RTL9: variants seen among roughly 807,000 people sequenced by gnomAD.
RTL9 encodes retrotransposon Gag-like protein 9.
In RTL9, 19 loss-of-function variants were observed where a neutral mutation model predicts 44.7. That is an observed-to-expected ratio of 0.42 (90% CI 0.30 to 0.62). The LOEUF is 0.62. Among genes scored for constraint, RTL9 ranks in the 20% least tolerant of loss-of-function variants. RTL9 has a pLI of 0.16. For synonymous variants in RTL9, 407 were observed against 398.9 expected (o/e 1.02, Z -0.24); for missense variants, 1,105 against 1,080.6 (o/e 1.02, Z -0.32).
chrX:110,401,753 A>C (rs1379980342), intron 1 of RTL9, among the ~76,000 whole-genome samples: 2 of 111,983 alleles, frequency 1.8e-5, no homozygotes, highest in African/African-American at 3.3e-5. Flanking sequence ...TCCCACAGTT[A>C]ATCTCAGTGA....
intron 1 of RTL9, among the ~76,000 whole-genome samples, chrX:110,433,842 CCA>C (rs1462820817): frequency 8.9e-6 from 1 of 112,222 alleles, no homozygotes; most frequent in African/African-American, 3.2e-5. Context: ...ATTTTTATTT[CCA>C]GTTTACAAAT....
chrX:110,433,424 G>A (rs1251610183), intron 1 of RTL9, among the ~76,000 whole-genome samples: 4 of 111,333 alleles, frequency 3.6e-5, no homozygotes, highest in African/African-American at 3.3e-5. Flanking sequence ...CTGTCTTATC[G>A]CAGGCCTGGG....
intron 1 of RTL9, among the ~76,000 whole-genome samples, chrX:110,367,058 T>A (rs1376426507): frequency 8.9e-6 from 1 of 112,133 alleles, no homozygotes; most frequent in Non-Finnish European, 1.9e-5. Flanking sequence ...CCTTCCCTCT[T>A]GTCACTGTGA....
intron 1 of RTL9, among the ~76,000 whole-genome samples, chrX:110,438,184 C>T (rs1328858017): frequency 9.0e-6 from 1 of 111,476 alleles, no homozygotes; most frequent in Non-Finnish European, 1.9e-5. Context: ...GTCCCTCTAT[C>T]AGAACCTGCT....
At chrX:110,455,468 A>G (rs1002625115) in exon 2 of RTL9, 207 of 674,893 alleles carry the variant, frequency 3.1e-4, no homozygotes, top group South Asian at 1.9e-4. Context: ...CTTACCTCTC[A>G]CTTGGCTGAT....
At chrX:110,393,558 T>C (rs1013586907) in intron 1 of RTL9, among the ~76,000 whole-genome samples, 1 of 111,764 alleles carries the variant, frequency 8.9e-6, no homozygotes. Context: ...CCTGTGCTAT[T>C]TGCCATATCA....
intron 1 of RTL9, among the ~76,000 whole-genome samples, chrX:110,404,796 A>G (rs965527144): frequency 8.9e-6 from 1 of 111,735 alleles, no homozygotes; most frequent in Non-Finnish European, 1.9e-5. Flanking sequence ...AAACTCACTA[A>G]TTAAGCCTGT....
exon 1 of RTL9, chrX:110,452,319 A>G: frequency 8.3e-7 from 1 of 1,211,804 alleles, no homozygotes; most frequent in African/African-American, 1.7e-5. Flanking sequence ...AGCACAGATG[A>G]AAGCCATGAC....
intron 1 of RTL9, among the ~76,000 whole-genome samples, chrX:110,395,936 C>G (rs746545399): frequency 9.0e-6 from 1 of 111,713 alleles, no homozygotes; most frequent in East Asian, 2.8e-4. Context: ...GCCTCCAGGG[C>G]TTATGGAAGA....
chrX:110,433,206 A>G (rs1382668155), intron 1 of RTL9, among the ~76,000 whole-genome samples: 1 of 112,668 alleles, frequency 8.9e-6, no homozygotes, highest in Non-Finnish European at 1.9e-5. Context: ...TAGTTGATTG[A>G]GTACCTGCTA....
chrX:110,377,443 A>T (rs752912565), intron 1 of RTL9, among the ~76,000 whole-genome samples: 2 of 111,825 alleles, frequency 1.8e-5, no homozygotes, highest in East Asian at 5.6e-4. Flanking sequence ...AGAACATTGC[A>T]GTAAATCACT....
At chrX:110,363,316 C>A (rs767202337) in intron 1 of RTL9, among the ~76,000 whole-genome samples, 3 of 111,861 alleles carry the variant, frequency 2.7e-5, no homozygotes, top group Non-Finnish European at 5.6e-5. Flanking sequence ...AATAGGGCCA[C>A]CAACTCTAGA....
At chrX:110,438,506 A>T (rs1313646793) in intron 1 of RTL9, among the ~76,000 whole-genome samples, 1 of 111,637 alleles carries the variant, frequency 9.0e-6, no homozygotes, top group Non-Finnish European at 1.9e-5. Context: ...TGATCCAAGT[A>T]TCATTTTCTC....
rs1191773286 is a variant in RTL9 at position 110,399,274 on chromosome X, AG to A, written c.-168+40359del. Among the ~76,000 whole-genome samples, 3 of 112,579 alleles carry A rather than the reference AG, an allele frequency of 2.7e-5. No individual in the cohort carries two copies. The Admixed American group carries it at 2.8e-4, about 11-fold the overall frequency. ...GGTAGGCACATTCAACCCCAAACTT[AG>A]AAATGCAGAAGCCTAGGCTCAGTGA... On this transcript the variant is annotated intron_variant, in intron 1 of 2. Coordinates refer to the RTL9 transcript ENST00000520821.
intron 1 of RTL9, among the ~76,000 whole-genome samples, chrX:110,409,582 A>G (rs1379156688): frequency 9.1e-6 from 1 of 110,193 alleles, no homozygotes; most frequent in Non-Finnish European, 1.9e-5. Flanking sequence ...CCCCATTAGG[A>G]TCTCAGGCTG....
chrX:110,384,052 T>A (rs1029205211), intron 1 of RTL9, among the ~76,000 whole-genome samples: 4 of 112,261 alleles, frequency 3.6e-5, no homozygotes, highest in African/African-American at 9.7e-5. Context: ...CATCATCATT[T>A]CTTCTATTGT....
chrX:110,360,513 T>C (rs767629324), intron 1 of RTL9, among the ~76,000 whole-genome samples: 5 of 111,509 alleles, frequency 4.5e-5, no homozygotes, highest in African/African-American at 1.3e-4. Context: ...GTGGACAGAA[T>C]TGAGTTATAT....
upstream of RTL9, among the ~76,000 whole-genome samples, chrX:110,416,771 C>G (rs1039354285): frequency 1.8e-5 from 2 of 112,177 alleles, no homozygotes; most frequent in South Asian, 7.5e-4. Context: ...AAAACATACT[C>G]CTGTCCTTCT....
intron 1 of RTL9, among the ~76,000 whole-genome samples, chrX:110,409,443 C>T (rs975846920): frequency 9.9e-5 from 11 of 111,532 alleles, no homozygotes; most frequent in Non-Finnish European, 2.1e-4. Context: ...GACCTCACTA[C>T]CTAAAAAGAG....
Sources: gnomAD v4.1 joint callset for allele counts (sites outside exome capture counted in the v4.1 genomes callset) on GRCh38, gnomAD v4.1.1 for gene constraint, MANE v1.5 for transcripts, NCBI Gene and HGNC (gene_info 2026-07-23, HGNC 2026-07-21) for gene names.